The following RCC2 variants were observed in gnomAD, a reference collection of about 807,000 sequenced individuals.
RCC2 encodes the protein regulator of chromosome condensation 2, also known as protein RCC2.
In RCC2, 19 loss-of-function variants were observed where a neutral mutation model predicts 64.1. The ratio of observed to expected loss-of-function variants is 0.30; its 90% CI spans 0.21 to 0.44. The LOEUF (loss-of-function observed/expected upper bound fraction) is 0.44. Ranked by LOEUF, RCC2 falls within the 20% of genes least tolerant of loss-of-function variation. The pLI, the probability that RCC2 is intolerant of heterozygous loss-of-function variation, is 1.00. For missense variants in RCC2, 508 were observed against 710.4 expected (o/e 0.72, Z 3.24); for synonymous variants, 325 against 279.6 (o/e 1.16, Z -1.62).
intron 7 of RCC2, among the ~76,000 whole-genome samples, chr1:17,417,086 TA>T (rs552049325): frequency 2.0e-5 from 3 of 152,186 alleles, no homozygotes; most frequent in Non-Finnish European, 4.4e-5. Flanking sequence ...AAGGAGCCCC[TA>T]AAAGACCAAG....
At position 17,433,872 on chromosome 1, in the gene RCC2, CAA is replaced by C. The variant is rs373937403; in HGVS notation, c.285+4356_285+4357del. On this transcript the variant is annotated intron_variant, in intron 2 of 12. Transcript: ENST00000375436. ...CCCCGGGAACAATGCCGGCATCGAC[CAA>C]TTACCTAAGGGCCATCAACTGAAAC... Among the ~76,000 whole-genome samples, 749 of 152,244 alleles carry C rather than the reference CAA, an allele frequency of 4.9e-3. 4 individuals are homozygous for C. The highest frequency in any genetic ancestry group is 0.017 in the African/African-American group (718 of 41,564).
Position 17,411,143 on chromosome 1 carries a change from G to A in RCC2, c.1386+979C>T, listed in dbSNP as rs148702183. Among the ~76,000 whole-genome samples, 416 of 152,196 alleles carry A rather than the reference G, an allele frequency of 2.7e-3. 2 individuals carry two copies. The highest frequency in any genetic ancestry group is 0.014 in the Middle Eastern group (4 of 294). On this transcript the variant is annotated intron_variant, in intron 11 of 12. Coordinates refer to ENST00000375436, the MANE Select transcript of RCC2 (RefSeq NM_018715.4). ...TTGCAACCACAAGAGTGCAGGAGAGGGAGACAGACTGTGCTTCTAACAAGA... is the reference window on the plus strand; with the variant it reads ...TTGCAACCACAAGAGTGCAGGAGAGAGAGACAGACTGTGCTTCTAACAAGA...
At position 17,407,290 on chromosome 1, in the gene RCC2, G is replaced by C. The variant is rs947114463; in HGVS notation, c.*1800C>G. ...CTCTCGGTGACCACGGCTCAAAGGA[G>C]AGACCTCAAGGGTGCCAGGAGCACA... On this transcript the variant is annotated 3_prime_UTR_variant, in exon 13 of 13. Coordinates refer to ENST00000375436, the MANE Select transcript of RCC2 (RefSeq NM_018715.4). 3.3e-5 allele frequency: 5 copies of C among 152,184 alleles called. No homozygotes were observed. The highest frequency in any genetic ancestry group is 9.7e-5 in the African/African-American group (4 of 41,434). The allele number at this position is 152,184 out of a possible 1,614,324, so 9.4% of individuals were successfully genotyped here.
At chr1:17,416,086 G>GC (rs2075481072) in intron 8 of RCC2, among the ~76,000 whole-genome samples, 1 of 109,294 alleles carries the variant, frequency 9.1e-6, no homozygotes, top group East Asian at 3.3e-4. Flanking sequence ...AAAGGGGGGG[G>GC]GGGCGGGGGG....
chr1:17,420,029 G>A (rs901116888), intron 7 of RCC2, among the ~76,000 whole-genome samples: 2 of 152,208 alleles, frequency 1.3e-5, no homozygotes, highest in African/African-American at 4.8e-5. Flanking sequence ...GGCCAGCAGA[G>A]GGCGCCCGCG....
intron 2 of RCC2, among the ~76,000 whole-genome samples, chr1:17,433,033 C>T (rs2075699645): frequency 6.6e-6 from 1 of 152,136 alleles, no homozygotes; most frequent in Non-Finnish European, 1.5e-5. Flanking sequence ...CACACACACA[C>T]ACATATACAT....
chr1:17,417,888 G>A (rs1431319614), intron 7 of RCC2, among the ~76,000 whole-genome samples: 2 of 151,682 alleles, frequency 1.3e-5, no homozygotes, highest in East Asian at 1.9e-4. Flanking sequence ...CTGGGGGGAG[G>A]AGGAAACAAG....
intron 11 of RCC2, 47 bp downstream of exon 11, chr1:17,412,074 AC>A (rs71014950): frequency 0.26 from 416,296 of 1,573,298 alleles, 56,555 homozygotes; most frequent in East Asian, 0.37. Context: ...GCCATGAGCC[AC>A]CCTGACTGGC....
chr1:17,426,273 T>A (rs1038133106), intron 3 of RCC2, among the ~76,000 whole-genome samples: 1 of 151,934 alleles, frequency 6.6e-6, no homozygotes, highest in Non-Finnish European at 1.5e-5. Context: ...TCCCAGCAGC[T>A]CCATCAGGCC....
chr1:17,436,037 G>T (rs117339473), intron 2 of RCC2, among the ~76,000 whole-genome samples: 1 of 152,032 alleles, frequency 6.6e-6, no homozygotes, highest in South Asian at 2.1e-4. Context: ...GAACAGCACC[G>T]ACAGCCCAAA....
chr1:17,412,275 T>C, intron 10 of RCC2, 81 bp from the exon 11 acceptor site: 1 of 1,308,562 alleles, frequency 7.6e-7, no homozygotes, highest in South Asian at 1.2e-5. Context: ...GGCATGAGTG[T>C]GAGCTGCCAC....
At chr1:17,420,358 A>G (rs1453178695) in intron 7 of RCC2, among the ~76,000 whole-genome samples, 1 of 152,202 alleles carries the variant, frequency 6.6e-6, no homozygotes, top group Non-Finnish European at 1.5e-5. Flanking sequence ...CATTTTCCGT[A>G]ATTTTCTCAT....
intron 7 of RCC2, among the ~76,000 whole-genome samples, chr1:17,418,208 G>T (rs191719731): frequency 1.8e-3 from 261 of 142,708 alleles, no homozygotes; most frequent in African/African-American, 6.5e-3. Flanking sequence ...TCATAAGCAG[G>T]TTCTATTTTT....
At position 17,408,807 on chromosome 1, in the gene RCC2, A is replaced by G; in HGVS notation, c.*283T>C. The G allele has an allele frequency of 2.8e-6, 1 of 360,330 alleles. No homozygotes were observed. The highest frequency in any genetic ancestry group is 5.0e-6 in the Non-Finnish European group (1 of 200,548). The allele number at this position is 360,330 out of a possible 1,614,324, so 22.3% of individuals were successfully genotyped here. A position where few individuals can be genotyped will look rare whatever the true frequency, so the allele number is the denominator to read the frequency against. Reference sequence around the variant, plus strand: ...AAAAACTTAAAAAAAAAAAAAACCTAGATTGCTCAAAGTTTCTGCCTCTTT... The same window carrying G: ...AAAAACTTAAAAAAAAAAAAAACCTGGATTGCTCAAAGTTTCTGCCTCTTT... On this transcript the variant is annotated 3_prime_UTR_variant, in exon 13 of 13. Transcript: ENST00000375436.
intron 7 of RCC2, among the ~76,000 whole-genome samples, chr1:17,419,394 C>T (rs572659451): frequency 6.6e-6 from 1 of 152,110 alleles, no homozygotes; most frequent in Non-Finnish European, 1.5e-5. Flanking sequence ...GTTCAGTGCA[C>T]TGCAAAAAAG....
At chr1:17,428,746 T>C (rs997371847) in intron 3 of RCC2, among the ~76,000 whole-genome samples, 8 of 152,216 alleles carry the variant, frequency 5.3e-5, no homozygotes, top group Non-Finnish European at 1.0e-4. Flanking sequence ...CACCTGACAT[T>C]TGACAAATGT....
intron 8 of RCC2, among the ~76,000 whole-genome samples, chr1:17,414,980 GATGAA>G (rs2075467560): frequency 6.6e-6 from 1 of 152,180 alleles, no homozygotes; most frequent in Admixed American, 6.5e-5. Context: ...CCTGGTCACT[GATGAA>G]ATGAACTCAG....
chr1:17,422,105 G>T, intron 6 of RCC2, 98 bp downstream of exon 6: 1 of 772,740 alleles, frequency 1.3e-6, no homozygotes, highest in South Asian at 2.1e-5. Flanking sequence ...GTTTTTACAA[G>T]GGGTAAATTA....
intron 8 of RCC2, among the ~76,000 whole-genome samples, chr1:17,416,083 G>C (rs183933740): frequency 1.8e-5 from 2 of 113,736 alleles, no homozygotes; most frequent in Non-Finnish European, 3.5e-5. Context: ...AAAAAAGGGG[G>C]GGGGGGCGGG....
Sources: gnomAD v4.1 joint callset for allele counts (sites outside exome capture counted in the v4.1 genomes callset) on GRCh38, gnomAD v4.1.1 for gene constraint, MANE v1.5 for transcripts, NCBI Gene and HGNC (gene_info 2026-07-23, HGNC 2026-07-21) for gene names.